The following NCEH1 variants were observed in gnomAD, a reference collection of about 807,000 sequenced individuals.
NCEH1 encodes the protein neutral cholesterol ester hydrolase 1.
Under a neutral mutation model 25.4 loss-of-function variants are expected in NCEH1, and 9 were observed. The ratio of observed to expected loss-of-function variants is 0.35; its 90% CI spans 0.21 to 0.62. The LOEUF (loss-of-function observed/expected upper bound fraction) is 0.62. Ranked by LOEUF, NCEH1 falls within the 20% of genes least tolerant of loss-of-function variation. The pLI is 0.72. For synonymous variants in NCEH1, 200 were observed against 199.8 expected (o/e 1.00, Z -0.01); for missense variants, 412 against 501.1 (o/e 0.82, Z 1.70).
At chr3:172,650,598 G>A (rs1387955329) in intron 1 of NCEH1, among the ~76,000 whole-genome samples, 1 of 150,148 alleles carries the variant, frequency 6.7e-6, no homozygotes, top group Non-Finnish European at 1.5e-5. Context: ...GCAGTGAGCT[G>A]AGACTACGCC....
chr3:172,656,157 A>C (rs1717680850), intron 1 of NCEH1, among the ~76,000 whole-genome samples: 1 of 152,146 alleles, frequency 6.6e-6, no homozygotes, highest in Non-Finnish European at 1.5e-5. Flanking sequence ...GCAGGAGTTG[A>C]AGAAAGAGAG....
At chr3:172,686,886 C>T (rs958931450) in intron 1 of NCEH1, among the ~76,000 whole-genome samples, 3 of 152,172 alleles carry the variant, frequency 2.0e-5, no homozygotes, top group African/African-American at 7.2e-5. Context: ...GTCTCTTCCC[C>T]ATTTTTTCTT....
At chr3:172,654,856 T>G (rs531224942) in intron 1 of NCEH1, among the ~76,000 whole-genome samples, 2 of 152,362 alleles carry the variant, frequency 1.3e-5, no homozygotes, top group East Asian at 3.9e-4. Context: ...CTCTTTATAT[T>G]TTGCTCTAAT....
intron 4 of NCEH1, among the ~76,000 whole-genome samples, chr3:172,634,930 G>A (rs1716534472): frequency 6.6e-6 from 1 of 152,168 alleles, no homozygotes; most frequent in African/African-American, 2.4e-5. Context: ...AGCAAGAATG[G>A]TCAGTAAATA....
chr3:172,707,227 CT>C (rs1714053150), intron 1 of NCEH1, among the ~76,000 whole-genome samples: 1 of 147,748 alleles, frequency 6.8e-6, no homozygotes, highest in African/African-American at 2.6e-5. Context: ...CTTCCCCAAA[CT>C]CTCTTCTTTT....
chr3:172,633,530 G>A lies in NCEH1; in HGVS notation c.1172C>T (p.Ser391Leu). 6.2e-7 allele frequency: 1 copy of A among 1,613,968 alleles called. No individual in the cohort carries two copies. Among genetic ancestry groups the A allele is most frequent in the Non-Finnish European group, 8.5e-7 (1 of 1,179,866 alleles). Residue 391 changes from serine (S) to leucine (L), a missense_variant, in exon 5 of 5, where the codon TCA becomes TTA. Ser to Leu is a moderately radical substitution (Grantham distance 145, BLOSUM62 -2). Transcript: ENST00000475381. ...ACTATTCCTAGTCCGGATTCCCACT[G>A]AGAAGTTGGTGGGCCAGCTAGTGAA... is the stretch of plus-strand genomic sequence containing the variant. ...MIFTSWPTNF[S>L]VGIRTRNSYI...
At chr3:172,655,001 A>T (rs538756515) in intron 1 of NCEH1, among the ~76,000 whole-genome samples, 126 of 152,362 alleles carry the variant, frequency 8.3e-4, no homozygotes, top group African/African-American at 2.9e-3. Flanking sequence ...GTATGGAACC[A>T]AGCCTAGGAG....
chr3:172,638,385 C>T (rs1716698276), intron 3 of NCEH1, among the ~76,000 whole-genome samples: 1 of 147,566 alleles, frequency 6.8e-6, no homozygotes, highest in South Asian at 2.2e-4. Flanking sequence ...GTCAATTAAT[C>T]ATGCAAAATG....
In NCEH1 at chr3:172,683,418, A is replaced by G. The variant is rs1218195133; in HGVS notation, c.138+27429T>C. Among the ~76,000 whole-genome samples, 239 of 63,606 alleles carry G rather than the reference A, an allele frequency of 3.8e-3. 44 individuals carry two copies. Among genetic ancestry groups the G allele is most frequent in the Non-Finnish European group, 4.1e-3 (118 of 28,874 alleles). The allele number at this position is 63,606 out of a possible 152,430, so 41.7% of individuals were successfully genotyped here. On this transcript the variant is annotated intron_variant, in intron 1 of 4. Coordinates refer to ENST00000475381, the MANE Select transcript of NCEH1 (RefSeq NM_020792.6). Reference sequence around the variant, plus strand: ...ACTCCGTCTCAAAAAAAAAAAAAAAAAAAAAAAAAAAGAAGCGGAGGCAGG... The same window carrying G: ...ACTCCGTCTCAAAAAAAAAAAAAAAGAAAAAAAAAAAGAAGCGGAGGCAGG...
chr3:172,679,880 G>T (rs747367841), intron 1 of NCEH1, among the ~76,000 whole-genome samples: 5 of 152,054 alleles, frequency 3.3e-5, no homozygotes, highest in Admixed American at 6.6e-5. Context: ...ATTTTACAGG[G>T]CTAAGGTGGG....
intron 1 of NCEH1, among the ~76,000 whole-genome samples, chr3:172,655,789 A>G (rs1717663344): frequency 6.6e-6 from 1 of 152,224 alleles, no homozygotes; most frequent in South Asian, 2.1e-4. Flanking sequence ...TCCACCAGAG[A>G]GGGAAAGTTA....
At chr3:172,703,078 A>G (rs992080054) in intron 1 of NCEH1, 1 of 152,248 alleles carries the variant, frequency 6.6e-6, no homozygotes, top group Non-Finnish European at 1.5e-5. Context: ...GAGAAGTGGT[A>G]GACAGTTCCC....
Position 172,633,720 on chromosome 3 carries a change from T to A in NCEH1, c.982A>T (p.Ile328Phe), listed in dbSNP as rs567485610. 6.2e-7 allele frequency: 1 copy of A among 1,614,068 alleles called. No homozygotes were observed. The highest frequency in any genetic ancestry group is 1.7e-5 in the Admixed American group (1 of 59,998). ...QLLDARSAPL[I>F]ADQAVLQLLP... ...AGCTGCAGCACTGCCTGGTCTGCAA[T>A]GAGTGGGGCGGAGCGGGCATCCAGC... is the stretch of plus-strand genomic sequence containing the variant. Residue 328 changes from isoleucine (I) to phenylalanine (F), a missense_variant, in exon 5 of 5, where the codon ATT becomes TTT. This residue lies in a region of NCEH1 where 210 missense variants were observed against 258.2 expected (regional missense o/e 0.81). Coordinates refer to ENST00000475381, the MANE Select transcript of NCEH1 (RefSeq NM_020792.6).
At chr3:172,640,038 G>T (rs1192942527) in intron 3 of NCEH1, among the ~76,000 whole-genome samples, 1 of 152,220 alleles carries the variant, frequency 6.6e-6, no homozygotes, top group Non-Finnish European at 1.5e-5. Flanking sequence ...AATGTGCTAA[G>T]AGGGTTGAAA....
At position 172,666,580 on chromosome 3, in the gene NCEH1, T is replaced by C. The variant is rs370172848; in HGVS notation, c.139-18466A>G. On this transcript the variant is annotated intron_variant, in intron 1 of 4. Coordinates refer to ENST00000475381, the MANE Select transcript of NCEH1 (RefSeq NM_020792.6). ...TAAAACCATTACATGTGTGTCTGTG[T>C]CATTTTATCTAAACTGGTGCGAGAC... Among the ~76,000 whole-genome samples the C allele has an allele frequency of 1.8e-3, 277 of 152,308 alleles. 7 individuals carry two copies. In the South Asian group the frequency reaches 0.057, roughly 31 times the overall value.
chr3:172,660,310 A>G lies in NCEH1; in HGVS notation c.139-12196T>C, dbSNP rs182652796. Among the ~76,000 whole-genome samples, 709 of 152,080 alleles carry G rather than the reference A, an allele frequency of 4.7e-3. 3 individuals are homozygous for G. Among genetic ancestry groups the G allele is most frequent in the Admixed American group, 7.4e-3 (113 of 15,200 alleles). ...TCCCTACAAAGGACATGAACTCATC[A>G]TTTTTTATGGCTGCATAGTATTCCA... On this transcript the variant is annotated intron_variant, in intron 1 of 4. Transcript: ENST00000475381.
rs556753341 is a variant in NCEH1, at chr3:172,688,133, G to A, written c.138+22714C>T. Among the ~76,000 whole-genome samples the A allele has an allele frequency of 1.2e-4, 18 of 152,028 alleles. 1 individual carries two copies. In the Middle Eastern group the frequency reaches 0.017, roughly 144 times the overall value. ...GTGGATCACCTGAGGTCAGGAGTTC[G>A]TGACCTGCCTGACCAACATGGTGAA... On this transcript the variant is annotated intron_variant, in intron 1 of 4. Transcript: ENST00000475381.
At chr3:172,707,961 G>A (rs1306220404) in intron 1 of NCEH1, among the ~76,000 whole-genome samples, 2 of 152,192 alleles carry the variant, frequency 1.3e-5, no homozygotes, top group Non-Finnish European at 2.9e-5. Flanking sequence ...GGTGTAACCT[G>A]GGCATCAAGT....
chr3:172,673,811 G>A (rs1410951827), intron 1 of NCEH1, among the ~76,000 whole-genome samples: 7 of 152,156 alleles, frequency 4.6e-5, no homozygotes, highest in African/African-American at 7.2e-5. Flanking sequence ...GTATTCCTCT[G>A]CAGAAACAGA....
Sources: gnomAD v4.1 joint callset for allele counts (sites outside exome capture counted in the v4.1 genomes callset) on GRCh38, gnomAD v4.1.1 for gene constraint, gnomAD v4.1.1 regional missense constraint, MANE v1.5 for transcripts, NCBI Gene and HGNC (gene_info 2026-07-23, HGNC 2026-07-21) for gene names.